Variants in RUNDC3B observed in about 807,000 individuals in gnomAD.
RUNDC3B encodes the protein RUN domain containing 3B.
RUNDC3B carries 33 observed loss-of-function variants against 58.4 expected under a neutral mutation model. The ratio of observed to expected loss-of-function variants is 0.56; its 90% CI spans 0.43 to 0.75. RUNDC3B has a LOEUF of 0.75. Ranked by LOEUF, RUNDC3B falls within the 30% of genes least tolerant of loss-of-function variation. RUNDC3B has a pLI of 0.00. For synonymous variants in RUNDC3B, 193 were observed against 195.2 expected (o/e 0.99, Z 0.10); for missense variants, 501 against 535.7 (o/e 0.94, Z 0.64).
chr7:87,801,120 C>T (rs1275469397), intron 8 of RUNDC3B, among the ~76,000 whole-genome samples: 2 of 152,104 alleles, frequency 1.3e-5, no homozygotes, highest in Non-Finnish European at 2.9e-5. Flanking sequence ...GTTGTGGATT[C>T]TGGAGCATTT....
At chr7:87,755,485 A>G (rs955216293) in intron 6 of RUNDC3B, among the ~76,000 whole-genome samples, 3 of 152,200 alleles carry the variant, frequency 2.0e-5, no homozygotes, top group Non-Finnish European at 4.4e-5. Context: ...TATTACAAAA[A>G]TCCTCAACAA....
At chr7:87,632,666 G>A (rs918609789) in intron 1 of RUNDC3B, among the ~76,000 whole-genome samples, 2 of 151,828 alleles carry the variant, frequency 1.3e-5, no homozygotes, top group Admixed American at 1.3e-4. Context: ...TTTTTAACTT[G>A]CATTTTTATC....
chr7:87,780,984 T>C (rs1010258583), intron 8 of RUNDC3B, among the ~76,000 whole-genome samples: 1 of 152,170 alleles, frequency 6.6e-6, no homozygotes, highest in Non-Finnish European at 1.5e-5. Flanking sequence ...ATATTAATTT[T>C]AGAATTTCTT....
chr7:87,697,549 T>A (rs2130676719), intron 2 of RUNDC3B, among the ~76,000 whole-genome samples: 1 of 152,336 alleles, frequency 6.6e-6, no homozygotes, highest in East Asian at 1.9e-4. Flanking sequence ...TTCTCTAGAT[T>A]CCAAAGCAAG....
chr7:87,808,868 T>C (rs1836568854), intron 9 of RUNDC3B, among the ~76,000 whole-genome samples: 1 of 152,156 alleles, frequency 6.6e-6, no homozygotes. Context: ...ACACTTACCT[T>C]ATCTATATAT....
intron 4 of RUNDC3B, among the ~76,000 whole-genome samples, chr7:87,714,086 A>C (rs1830328583): frequency 6.6e-6 from 1 of 152,210 alleles, no homozygotes; most frequent in African/African-American, 2.4e-5. Context: ...CAATTACAGA[A>C]AAGTAGACAG....
At chr7:87,644,064 G>A (rs1446831907) in intron 1 of RUNDC3B, among the ~76,000 whole-genome samples, 1 of 152,010 alleles carries the variant, frequency 6.6e-6, no homozygotes, top group African/African-American at 2.4e-5. Context: ...TCACCATGTT[G>A]GCCAGGCTGG....
At chr7:87,688,509 A>G (rs528865011) in intron 2 of RUNDC3B, among the ~76,000 whole-genome samples, 10 of 151,792 alleles carry the variant, frequency 6.6e-5, no homozygotes, top group Non-Finnish European at 1.0e-4. Context: ...GGAGTTTTCA[A>G]TTACCCTAAA....
intron 1 of RUNDC3B, among the ~76,000 whole-genome samples, chr7:87,632,393 A>C (rs533582903): frequency 6.6e-6 from 1 of 152,284 alleles, no homozygotes; most frequent in Admixed American, 6.5e-5. Context: ...GTAATTCATT[A>C]GTTTTTTTTA....
chr7:87,639,178 C>T (rs910008894), intron 1 of RUNDC3B, among the ~76,000 whole-genome samples: 5 of 129,674 alleles, frequency 3.9e-5, no homozygotes, highest in Admixed American at 2.3e-4. Context: ...AAAAAAAAAT[C>T]TATTGTCTAA....
At chr7:87,644,166 T>G (rs1306437222) in intron 1 of RUNDC3B, among the ~76,000 whole-genome samples, 1 of 152,210 alleles carries the variant, frequency 6.6e-6, no homozygotes, top group African/African-American at 2.4e-5. Context: ...GACCTGCAAA[T>G]TGTTGATTCT....
chr7:87,754,824 G>A (rs1046433083), intron 6 of RUNDC3B, among the ~76,000 whole-genome samples: 3 of 151,266 alleles, frequency 2.0e-5, no homozygotes, highest in Non-Finnish European at 2.9e-5. Context: ...AAACCTACAG[G>A]AGATAGATAA....
At chr7:87,810,360 A>G (rs1202805379) in intron 9 of RUNDC3B, among the ~76,000 whole-genome samples, 1 of 152,224 alleles carries the variant, frequency 6.6e-6, no homozygotes, top group South Asian at 2.1e-4. Context: ...TACCTTATTT[A>G]GCATGGTGTG....
intron 8 of RUNDC3B, among the ~76,000 whole-genome samples, chr7:87,785,603 C>T (rs1045584750): frequency 9.2e-5 from 14 of 152,094 alleles, no homozygotes; most frequent in Admixed American, 1.3e-4. Flanking sequence ...ACAGGAATGG[C>T]GAGGCAGGTG....
chr7:87,786,394 A>T (rs1222514076), intron 8 of RUNDC3B, among the ~76,000 whole-genome samples: 1 of 152,106 alleles, frequency 6.6e-6, no homozygotes, highest in Admixed American at 6.5e-5. Flanking sequence ...GATGAAAAGA[A>T]TTATGTTTAC....
intron 9 of RUNDC3B, among the ~76,000 whole-genome samples, chr7:87,809,511 C>CT: frequency 6.6e-6 from 1 of 152,242 alleles, no homozygotes; most frequent in East Asian, 1.9e-4. Flanking sequence ...TAATACCTGT[C>CT]TAACAGAATT....
intron 6 of RUNDC3B, among the ~76,000 whole-genome samples, chr7:87,742,295 GAACACC>G (rs1832371923): frequency 6.6e-6 from 1 of 151,956 alleles, no homozygotes; most frequent in Non-Finnish European, 1.5e-5. Context: ...TGAGATTTTG[GAACACC>G]CATCACCTGA....
rs1008345852 is a variant in RUNDC3B at position 87,813,298 on chromosome 7, G to A, written c.1104-2843G>A. 9.2e-5 allele frequency among the ~76,000 whole-genome samples: 14 copies of A among 152,140 alleles called. No homozygotes were observed. In the East Asian group the frequency reaches 2.1e-3, roughly 23 times the overall value. ...TCTAAAAAGAACCTCAGTAGGTCAC[G>A]CAGAAAGCTCATTTCATGTTACTAT... On this transcript the variant is annotated intron_variant, in intron 9 of 10. Coordinates refer to ENST00000394654, the MANE Select transcript of RUNDC3B (RefSeq NM_001134405.2).
chr7:87,747,078 C>G (rs1832682138), intron 6 of RUNDC3B, among the ~76,000 whole-genome samples: 1 of 152,058 alleles, frequency 6.6e-6, no homozygotes. Flanking sequence ...GGTTGGTTTT[C>G]TGGTTCCTTC....
Sources: gnomAD v4.1 joint callset for allele counts (sites outside exome capture counted in the v4.1 genomes callset) on GRCh38, gnomAD v4.1.1 for gene constraint, MANE v1.5 for transcripts, NCBI Gene and HGNC (gene_info 2026-07-23, HGNC 2026-07-21) for gene names.